GSE1: variants seen among roughly 807,000 people sequenced by gnomAD.
The protein encoded by GSE1 is Gse1 coiled-coil protein.
GSE1 carries 32 observed loss-of-function variants against 112.6 expected under a neutral mutation model. That is an observed-to-expected ratio of 0.28 (90% confidence interval 0.21 to 0.38). The LOEUF (loss-of-function observed/expected upper bound fraction) is 0.38, where lower values mean the gene tolerates loss of function less well. GSE1 is among the 10% of genes least tolerant of loss of function. The pLI, the probability that GSE1 is intolerant of heterozygous loss-of-function variation, is 1.00. For missense variants in GSE1, 2,348 were observed against 1,699.2 expected, an observed-to-expected ratio of 1.38 and a Z score of -6.71; for synonymous variants, 1,115 against 735.6, an observed-to-expected ratio of 1.52 and a Z score of -8.35.
chr16:85,499,244 C>T (rs546346127), intron 2 of GSE1, among the ~76,000 whole-genome samples: 2 of 148,140 alleles, frequency 1.4e-5, no homozygotes, highest in East Asian at 4.0e-4. Flanking sequence ...CCCAGATGGG[C>T]ATCAGCGAGA....
chr16:85,487,285 C>G (rs1048622161), intron 2 of GSE1, among the ~76,000 whole-genome samples: 3 of 152,170 alleles, frequency 2.0e-5, no homozygotes, highest in African/African-American at 7.2e-5. Flanking sequence ...CACAGCCTTG[C>G]GTCTCCTCCC....
chr16:85,396,609 T>TTCC (rs750107463), intron 2 of GSE1, among the ~76,000 whole-genome samples: 1 of 152,176 alleles, frequency 6.6e-6, no homozygotes, highest in East Asian at 1.9e-4. Flanking sequence ...AACGGGCAGC[T>TTCC]TCCTCCTCCC....
At chr16:85,632,571 A>G (rs1230895160) in intron 1 of GSE1, among the ~76,000 whole-genome samples, 1 of 152,156 alleles carries the variant, frequency 6.6e-6, no homozygotes, top group Admixed American at 6.5e-5. Context: ...CTGCTGTCCC[A>G]TGGGGACAGG....
intron 1 of GSE1, among the ~76,000 whole-genome samples, chr16:85,259,567 C>T (rs925793238): frequency 6.6e-6 from 1 of 152,248 alleles, no homozygotes; most frequent in African/African-American, 2.4e-5. Context: ...CTGCACAGAG[C>T]TGCCCAGGGC....
rs559807453 is a variant in GSE1 at position 85,220,988 on chromosome 16, G to A, written c.2283+49181G>A. Among the ~76,000 whole-genome samples, 8 of 142,274 alleles carry A rather than the reference G, an allele frequency of 5.6e-5. No individual in the cohort carries two copies. The South Asian group carries it at 2.0e-3, about 35-fold the overall frequency. The allele number at this position is 142,274 out of a possible 152,430, so 93.3% of individuals were successfully genotyped here. A position where few individuals can be genotyped will look rare whatever the true frequency, so the allele number is the denominator to read the frequency against. On this transcript the variant is annotated intron_variant, in intron 1 of 2. Coordinates refer to the GSE1 transcript ENST00000637419. Reference sequence around the variant, plus strand: ...CTCTCCCCCTCCCTGGCCCAGCAAGGCACATGGGAGAACAGCCAAGCCTTT... The same window carrying A: ...CTCTCCCCCTCCCTGGCCCAGCAAGACACATGGGAGAACAGCCAAGCCTTT...
chr16:85,305,039 A>C (rs909202314), intron 1 of GSE1, among the ~76,000 whole-genome samples: 1 of 151,774 alleles, frequency 6.6e-6, no homozygotes, highest in African/African-American at 2.4e-5. Context: ...GCCCAGCTCA[A>C]CTCCTTATGA....
chr16:85,612,282 G>A (rs910339855), upstream of GSE1, among the ~76,000 whole-genome samples: 3 of 151,992 alleles, frequency 2.0e-5, no homozygotes, highest in African/African-American at 4.8e-5. Context: ...GAGCCGGGGG[G>A]TGGGAAGGCT....
chr16:85,436,600 C>T (rs1489186132), intron 2 of GSE1, among the ~76,000 whole-genome samples: 1 of 152,212 alleles, frequency 6.6e-6, no homozygotes, highest in African/African-American at 2.4e-5. Context: ...GCGGGGACCT[C>T]GGTAGCCCCA....
At chr16:85,171,176 G>C (rs1422105250) in exon 1 of GSE1, 2 of 985,506 alleles carry the variant, frequency 2.0e-6, no homozygotes, top group Admixed American at 6.1e-5. Context: ...TACCGGGCCT[G>C]CCAGAACGAG....
At chr16:85,195,811 G>A (rs2074915751) in intron 1 of GSE1, among the ~76,000 whole-genome samples, 1 of 152,180 alleles carries the variant, frequency 6.6e-6, no homozygotes, top group Non-Finnish European at 1.5e-5. Flanking sequence ...TCAGAAGTCA[G>A]CAGCCTAATT....
intron 1 of GSE1, among the ~76,000 whole-genome samples, chr16:85,271,780 C>T (rs1908862006): frequency 6.6e-6 from 1 of 152,068 alleles, no homozygotes; most frequent in Non-Finnish European, 1.5e-5. Context: ...GCAGTGCCGC[C>T]TGGAGGGAGA....
upstream of GSE1, among the ~76,000 whole-genome samples, chr16:85,611,182 G>C (rs534024952): frequency 6.6e-6 from 1 of 152,218 alleles, no homozygotes; most frequent in Non-Finnish European, 1.5e-5. Flanking sequence ...GGTGGGAAAG[G>C]GGTTGGGCCA....
At chr16:85,371,171 A>C (rs988001581) in intron 2 of GSE1, among the ~76,000 whole-genome samples, 2 of 152,136 alleles carry the variant, frequency 1.3e-5, no homozygotes, top group South Asian at 4.1e-4. Flanking sequence ...CTGATGACCG[A>C]GGCCACCGCT....
chr16:85,331,246 G>T (rs1448037844), intron 1 of GSE1, among the ~76,000 whole-genome samples: 1 of 149,754 alleles, frequency 6.7e-6, no homozygotes, highest in African/African-American at 2.4e-5. Flanking sequence ...TCCACCTCCC[G>T]AGTTCAAGCG....
At chr16:85,223,280 T>TG (rs1371203141) in intron 1 of GSE1, among the ~76,000 whole-genome samples, 1 of 152,196 alleles carries the variant, frequency 6.6e-6, no homozygotes, top group East Asian at 1.9e-4. Flanking sequence ...CCCAACACTT[T>TG]GGGAGGCCAA....
chr16:85,172,132 G>C (rs1469127688), intron 1 of GSE1, among the ~76,000 whole-genome samples: 1 of 152,194 alleles, frequency 6.6e-6, no homozygotes, highest in Non-Finnish European at 1.5e-5. Context: ...AACAGAGGAA[G>C]TTCGGGGCAT....
intron 1 of GSE1, among the ~76,000 whole-genome samples, chr16:85,633,664 G>T (rs955674931): frequency 6.6e-6 from 1 of 152,192 alleles, no homozygotes; most frequent in African/African-American, 2.4e-5. Context: ...GACAGTGCTG[G>T]CCCAAGCCGT....
exon 1 of GSE1, chr16:85,171,351 C>T (rs1182524381): frequency 2.2e-5 from 22 of 985,502 alleles, no homozygotes; most frequent in South Asian, 4.7e-5. Context: ...TCCAGCTCAA[C>T]GTGAACCCCG....
At chr16:85,519,540 TCACTATTAC>T (rs1276047404) in intron 2 of GSE1, among the ~76,000 whole-genome samples, 147 of 7,270 alleles carry the variant, frequency 0.02, 24 homozygotes, top group East Asian at 0.068. Context: ...ACCACCATCA[TCACTATTAC>T]CACCATCACT....
Sources: gnomAD v4.1 joint callset for allele counts (sites outside exome capture counted in the v4.1 genomes callset) on GRCh38, gnomAD v4.1.1 for gene constraint, MANE v1.5 for transcripts, NCBI Gene and HGNC (gene_info 2026-07-23, HGNC 2026-07-21) for gene names.